TMTC2: variants seen among roughly 807,000 people sequenced by gnomAD.
The protein encoded by TMTC2 is protein O-mannosyl-transferase TMTC2.
Under a neutral mutation model 82.4 loss-of-function variants are expected in TMTC2, and 43 were observed. That is an observed-to-expected ratio of 0.52 (90% confidence interval 0.41 to 0.67). TMTC2 has a LOEUF of 0.67. TMTC2 is among the 30% of genes least tolerant of loss of function. The pLI, the probability that TMTC2 is intolerant of heterozygous loss-of-function variation, is 0.00. For synonymous variants in TMTC2, 408 were observed against 381.9 expected (o/e 1.07, Z -0.80); for missense variants, 919 against 1,012.4 (o/e 0.91, Z 1.25).
Position 82,999,908 on chromosome 12 carries a change from A to G in TMTC2, c.2070+13862A>G, listed in dbSNP as rs558400040. Among the ~76,000 whole-genome samples, 8 of 152,334 alleles carry G rather than the reference A, an allele frequency of 5.3e-5. No homozygotes were observed. The South Asian group carries it at 1.7e-3, about 32-fold the overall frequency. On this transcript the variant is annotated intron_variant, in intron 8 of 11. Coordinates refer to ENST00000321196, the MANE Select transcript of TMTC2 (RefSeq NM_152588.3). ...AATCATGCCTTCCCAACAGTCTCCCAAAGTCTTAACTCATTTCAGCATTAA... is the reference window on the plus strand; with the variant it reads ...AATCATGCCTTCCCAACAGTCTCCCGAAGTCTTAACTCATTTCAGCATTAA...
At chr12:82,761,243 T>C (rs1876614973) in intron 1 of TMTC2, among the ~76,000 whole-genome samples, 1 of 152,222 alleles carries the variant, frequency 6.6e-6, no homozygotes, top group South Asian at 2.1e-4. Context: ...ACAAAGTACC[T>C]TTTTCATTGG....
intron 1 of TMTC2, among the ~76,000 whole-genome samples, chr12:82,725,009 G>C (rs1247091858): frequency 6.6e-6 from 1 of 152,128 alleles, no homozygotes; most frequent in Non-Finnish European, 1.5e-5. Flanking sequence ...ATTTTTGAGA[G>C]CTTGTCCTAT....
intron 8 of TMTC2, among the ~76,000 whole-genome samples, chr12:83,007,278 G>A (rs1374404700): frequency 1.3e-5 from 2 of 151,994 alleles, no homozygotes; most frequent in African/African-American, 4.8e-5. Context: ...GAGGTATAAA[G>A]GTAGGTTGTT....
intron 2 of TMTC2, among the ~76,000 whole-genome samples, chr12:82,867,476 T>G (rs1871927309): frequency 6.6e-6 from 1 of 152,134 alleles, no homozygotes; most frequent in Admixed American, 6.5e-5. Flanking sequence ...ACCTAAAAAA[T>G]AAATGACTTA....
chr12:83,115,707 G>A (rs990363012), intron 11 of TMTC2, among the ~76,000 whole-genome samples: 1 of 151,840 alleles, frequency 6.6e-6, no homozygotes, highest in Non-Finnish European at 1.5e-5. Flanking sequence ...ACATGAGTAA[G>A]TTTTTTAGTG....
At chr12:82,902,521 A>G (rs1387148050) in intron 3 of TMTC2, among the ~76,000 whole-genome samples, 1 of 152,106 alleles carries the variant, frequency 6.6e-6, no homozygotes, top group Non-Finnish European at 1.5e-5. Context: ...TTCTTTTTGT[A>G]ATGATGTGAG....
intron 11 of TMTC2, among the ~76,000 whole-genome samples, chr12:83,086,879 G>C (rs1219769439): frequency 6.6e-6 from 1 of 152,202 alleles, no homozygotes; most frequent in Non-Finnish European, 1.5e-5. Flanking sequence ...AATAGCTGCT[G>C]ACCCATCAGG....
At chr12:82,772,735 C>T (rs11115404) in intron 1 of TMTC2, among the ~76,000 whole-genome samples, 23,047 of 151,880 alleles carry the variant, frequency 0.15, 1,995 homozygotes, top group African/African-American at 0.24. Context: ...TTTTTTTCCC[C>T]TGGAACCAAA....
chr12:82,950,930 G>A (rs2137278903), intron 4 of TMTC2, among the ~76,000 whole-genome samples: 1 of 152,222 alleles, frequency 6.6e-6, no homozygotes, highest in African/African-American at 2.4e-5. Context: ...ATATTTAACA[G>A]GTTAGAATTT....
intron 11 of TMTC2, among the ~76,000 whole-genome samples, chr12:83,073,902 C>T (rs180943858): frequency 2.0e-5 from 3 of 152,074 alleles, no homozygotes; most frequent in African/African-American, 7.2e-5. Flanking sequence ...TTTTGGATTT[C>T]CTTGCATTGT....
chr12:83,011,770 TC>T (rs1421995669), intron 8 of TMTC2, among the ~76,000 whole-genome samples: 1 of 152,220 alleles, frequency 6.6e-6, no homozygotes, highest in African/African-American at 2.4e-5. Context: ...TCCTCATTCT[TC>T]CAGGTAGCCT....
chr12:83,001,583 C>T (rs1422484651), intron 8 of TMTC2, among the ~76,000 whole-genome samples: 3 of 147,158 alleles, frequency 2.0e-5, no homozygotes, highest in Non-Finnish European at 3.0e-5. Context: ...TGCCGTGAGC[C>T]GAGATCATGC....
intron 3 of TMTC2, among the ~76,000 whole-genome samples, chr12:82,905,065 T>C (rs1318597752): frequency 6.6e-6 from 1 of 151,660 alleles, no homozygotes; most frequent in Non-Finnish European, 1.5e-5. Context: ...ATAGTAGGGG[T>C]CAATAAATAT....
At chr12:83,069,771 A>G (rs1356625823) in intron 11 of TMTC2, among the ~76,000 whole-genome samples, 1 of 151,464 alleles carries the variant, frequency 6.6e-6, no homozygotes, top group Non-Finnish European at 1.5e-5. Context: ...ATCCTTGCCT[A>G]GAAGGGTTTT....
chr12:83,117,212 T>C (rs137980690), intron 11 of TMTC2, among the ~76,000 whole-genome samples: 46 of 152,050 alleles, frequency 3.0e-4, no homozygotes, highest in African/African-American at 1.0e-3. Context: ...TTTTGTTTGC[T>C]TTGTCTGTTT....
intron 9 of TMTC2, among the ~76,000 whole-genome samples, chr12:83,049,196 C>T (rs1476247166): frequency 2.0e-5 from 3 of 152,070 alleles, no homozygotes; most frequent in Non-Finnish European, 4.4e-5. Flanking sequence ...GTGGGATACA[C>T]GTGCAGGTTT....
chr12:83,082,186 T>C (rs951210488), intron 11 of TMTC2, among the ~76,000 whole-genome samples: 9 of 152,272 alleles, frequency 5.9e-5, no homozygotes, highest in African/African-American at 2.2e-4. Flanking sequence ...AGATGTCATA[T>C]GACTCAATTC....
chr12:83,011,160 A>G (rs900969412), intron 8 of TMTC2, among the ~76,000 whole-genome samples: 5 of 152,218 alleles, frequency 3.3e-5, no homozygotes, highest in African/African-American at 1.2e-4. Flanking sequence ...TTTCAAAAGT[A>G]TAGAATTAGT....
chr12:83,041,192 G>A (rs1881882638), intron 9 of TMTC2, among the ~76,000 whole-genome samples: 1 of 152,092 alleles, frequency 6.6e-6, no homozygotes, highest in Admixed American at 6.5e-5. Flanking sequence ...ATCTGTCTTT[G>A]TATAGGACTC....
Sources: gnomAD v4.1 joint callset for allele counts (sites outside exome capture counted in the v4.1 genomes callset) on GRCh38, gnomAD v4.1.1 for gene constraint, MANE v1.5 for transcripts, NCBI Gene and HGNC (gene_info 2026-07-23, HGNC 2026-07-21) for gene names.